Variants in RAD51B observed in about 807,000 individuals in gnomAD.
RAD51B encodes the protein RAD51 paralog B, also known as DNA repair protein RAD51 homolog 2.
Under a neutral mutation model 42.2 loss-of-function variants are expected in RAD51B, and 38 were observed. The observed-to-expected ratio is 0.90, with a 90% CI of 0.70 to 1.18. The LOEUF (loss-of-function observed/expected upper bound fraction) is 1.18. Among genes scored for constraint, RAD51B ranks in the 50% most tolerant of loss-of-function variants. The pLI is 0.00. For synonymous variants in RAD51B, 154 were observed against 145.2 expected (o/e 1.06, Z -0.43); for missense variants, 373 against 400.7 (o/e 0.93, Z 0.59).
intron 5 of RAD51B, among the ~76,000 whole-genome samples, chr14:67,883,127 AGGTCACTACCAGCTCTTAACT>A (rs1021626483): frequency 3.3e-5 from 5 of 151,812 alleles, no homozygotes; most frequent in African/African-American, 1.2e-4. Flanking sequence ...TCCCTGGGTG[AGGTCACTACCAGCTCTTAACT>A]GGTCACTACC....
chr14:68,314,349 G>T (rs2082017364), intron 8 of RAD51B, among the ~76,000 whole-genome samples: 1 of 152,038 alleles, frequency 6.6e-6, no homozygotes, highest in South Asian at 2.1e-4. Flanking sequence ...TGGTCAACAA[G>T]GCATGAGCTA....
intron 10 of RAD51B, among the ~76,000 whole-genome samples, chr14:68,500,154 A>G (rs1711803252): frequency 6.6e-6 from 1 of 152,214 alleles, no homozygotes; most frequent in Non-Finnish European, 1.5e-5. Flanking sequence ...TGAGGACACT[A>G]CTAAGGACCA....
intron 8 of RAD51B, among the ~76,000 whole-genome samples, chr14:68,305,726 C>T (rs2081847018): frequency 6.6e-6 from 1 of 152,164 alleles, no homozygotes; most frequent in African/African-American, 2.4e-5. Context: ...TGTCCTGACT[C>T]ACTGTGTCTG....
At chr14:68,295,002 A>G (rs1274586258) in intron 8 of RAD51B, among the ~76,000 whole-genome samples, 2 of 152,228 alleles carry the variant, frequency 1.3e-5, no homozygotes, top group East Asian at 3.8e-4. Flanking sequence ...CATAAGTTCC[A>G]AAAGTTCCAT....
chr14:67,872,115 G>A (rs1431704209), intron 5 of RAD51B, among the ~76,000 whole-genome samples: 2 of 150,664 alleles, frequency 1.3e-5, no homozygotes, highest in Admixed American at 6.6e-5. Flanking sequence ...AGGAAATAAA[G>A]GGTATTCAAT....
chr14:68,538,045 G>T (rs1278637401), intron 10 of RAD51B, among the ~76,000 whole-genome samples: 2 of 152,148 alleles, frequency 1.3e-5, no homozygotes, highest in Non-Finnish European at 2.9e-5. Context: ...CTTAGGTCTT[G>T]CTAGGAGGGG....
intron 10 of RAD51B, among the ~76,000 whole-genome samples, chr14:68,501,488 G>A (rs1278744911): frequency 1.3e-5 from 2 of 152,192 alleles, no homozygotes; most frequent in African/African-American, 4.8e-5. Context: ...AGCAACCCCT[G>A]TGCAAACTCG....
intron 7 of RAD51B, among the ~76,000 whole-genome samples, chr14:67,975,855 A>T (rs2074983028): frequency 6.6e-6 from 1 of 152,212 alleles, no homozygotes; most frequent in Non-Finnish European, 1.5e-5. Flanking sequence ...ATATGTAAGG[A>T]GGCAGCTTTA....
intron 1 of RAD51B, chr14:67,822,197 G>A (rs1450299675): frequency 2.0e-5 from 3 of 151,904 alleles, no homozygotes; most frequent in African/African-American, 7.3e-5. Flanking sequence ...GTTTCAGTTC[G>A]TTCCAGAGGA....
chr14:68,434,580 A>G (rs1425191351), intron 9 of RAD51B, among the ~76,000 whole-genome samples: 1 of 152,194 alleles, frequency 6.6e-6, no homozygotes, highest in East Asian at 1.9e-4. Context: ...GTCATTTGCT[A>G]AGACCATTGG....
intron 7 of RAD51B, among the ~76,000 whole-genome samples, chr14:68,220,400 T>A (rs1284816756): frequency 6.6e-6 from 1 of 152,142 alleles, no homozygotes; most frequent in Admixed American, 6.5e-5. Flanking sequence ...AAAAAGCATT[T>A]GACAAAATCC....
At chr14:68,534,614 C>G (rs151105825) in intron 10 of RAD51B, among the ~76,000 whole-genome samples, 8 of 151,970 alleles carry the variant, frequency 5.3e-5, no homozygotes, top group African/African-American at 1.9e-4. Flanking sequence ...GGTGAAGGCG[C>G]GAAGATGAAC....
chr14:68,293,065 TTAC>T (rs1168469136), intron 8 of RAD51B, among the ~76,000 whole-genome samples: 2 of 152,156 alleles, frequency 1.3e-5, no homozygotes, highest in Non-Finnish European at 2.9e-5. Flanking sequence ...ATCAGCAGAT[TTAC>T]TAAACTCCCA....
chr14:68,518,561 C>T (rs76671114), intron 10 of RAD51B, among the ~76,000 whole-genome samples: 4 of 150,580 alleles, frequency 2.7e-5, no homozygotes, highest in African/African-American at 4.9e-5. Flanking sequence ...TGAGCCCCCC[C>T]CCCAGGCCTC....
intron 7 of RAD51B, among the ~76,000 whole-genome samples, chr14:68,159,378 T>G (rs1444748340): frequency 6.6e-6 from 1 of 152,102 alleles, no homozygotes; most frequent in Non-Finnish European, 1.5e-5. Context: ...TCCCAGCACT[T>G]TGGGAGGCTG....
intron 8 of RAD51B, among the ~76,000 whole-genome samples, chr14:68,350,829 CTGGA>C (rs2082771636): frequency 6.6e-6 from 1 of 152,146 alleles, no homozygotes; most frequent in South Asian, 2.1e-4. Context: ...TAGTGGGATA[CTGGA>C]AGGTAGAAAT....
intron 7 of RAD51B, among the ~76,000 whole-genome samples, chr14:67,933,908 A>G (rs2044835031): frequency 6.6e-6 from 1 of 152,194 alleles, no homozygotes; most frequent in Non-Finnish European, 1.5e-5. Context: ...CAATGCCTAT[A>G]CCTTTAATTC....
intron 9 of RAD51B, among the ~76,000 whole-genome samples, chr14:68,443,951 AC>A (rs1566888057): frequency 6.6e-6 from 1 of 152,164 alleles, no homozygotes. Flanking sequence ...AGTGCTAGGT[AC>A]CTTTTCTTTA....
rs1315230959 is a variant in RAD51B, at chr14:68,570,310, G to A, written c.1037-24175G>A. On this transcript the variant is annotated intron_variant, in intron 10 of 10. Coordinates refer to the RAD51B transcript ENST00000487270. ...TCAGGGGAGCCTGCGATTAGGAGAG[G>A]GCCCAGAATTATGACTCTCTCCCCG... 2.0e-5 allele frequency among the ~76,000 whole-genome samples: 3 copies of A among 152,142 alleles called. No individual in the cohort carries two copies. In the East Asian group the frequency reaches 5.8e-4, roughly 29 times the overall value.
Sources: allele counts gnomAD v4.1 joint callset (sites outside exome capture counted in the v4.1 genomes callset), GRCh38; gene constraint gnomAD v4.1.1; transcripts MANE v1.5; gene names NCBI Gene and HGNC (gene_info 2026-07-23, HGNC 2026-07-21).